MVB12B: variants seen among roughly 807,000 people sequenced by gnomAD.
MVB12B encodes ESCRT-I complex subunit MVB12B.
A neutral mutation model predicts 41.6 loss-of-function variants in MVB12B; 16 were observed. The observed-to-expected ratio is 0.38, with a 90% CI of 0.26 to 0.58. MVB12B has a LOEUF of 0.58. Among genes scored for constraint, MVB12B ranks in the 20% least tolerant of loss-of-function variants. MVB12B has a pLI of 0.62. For synonymous variants in MVB12B, 133 were observed against 139.7 expected (o/e 0.95, Z 0.34); for missense variants, 274 against 380.2 (o/e 0.72, Z 2.32).
At chr9:126,470,810 G>C (rs1833299971) in intron 7 of MVB12B, among the ~76,000 whole-genome samples, 1 of 152,128 alleles carries the variant, frequency 6.6e-6, no homozygotes, top group South Asian at 2.1e-4. Context: ...CTTTGGATTG[G>C]GTCTCACAGC....
intron 7 of MVB12B, among the ~76,000 whole-genome samples, chr9:126,443,038 G>A (rs1287498380): frequency 6.6e-6 from 1 of 152,190 alleles, no homozygotes. Flanking sequence ...AGAAAACACT[G>A]GTGGCCGATA....
chr9:126,403,854 C>T (rs772129791), intron 6 of MVB12B, among the ~76,000 whole-genome samples: 33 of 152,040 alleles, frequency 2.2e-4, no homozygotes, highest in South Asian at 4.2e-4. Flanking sequence ...TTTTATGCAT[C>T]GCCCTTCCAT....
Position 126,418,611 on chromosome 9 carries a change from A to T in MVB12B, c.663-3243A>T, listed in dbSNP as rs143834797. 4.4e-4 allele frequency among the ~76,000 whole-genome samples: 67 copies of T among 152,322 alleles called. 1 individual carries two copies. Among genetic ancestry groups the T allele is most frequent in the African/African-American group, 1.6e-3 (65 of 41,560 alleles). On this transcript the variant is annotated intron_variant, in intron 6 of 9. Transcript: ENST00000361171. ...ATTGGATGTTGGCACATTTCTGCTT[A>T]AAAATCATTCCAGAGAAAGGCAGAA...
chr9:126,456,463 A>G (rs956658649), intron 7 of MVB12B, among the ~76,000 whole-genome samples: 9 of 152,254 alleles, frequency 5.9e-5, no homozygotes, highest in African/African-American at 2.2e-4. Flanking sequence ...ATCATTGCTA[A>G]TAATGATTTT....
intron 7 of MVB12B, among the ~76,000 whole-genome samples, chr9:126,454,187 G>A (rs12345602): frequency 0.49 from 75,024 of 152,114 alleles, 19,401 homozygotes; most frequent in South Asian, 0.59. Context: ...TTTTCTGATG[G>A]AATTCCAAAG....
chr9:126,455,747 A>C (rs1266557955), intron 7 of MVB12B, among the ~76,000 whole-genome samples: 1 of 152,042 alleles, frequency 6.6e-6, no homozygotes, highest in East Asian at 1.9e-4. Flanking sequence ...CAGCCTCCCA[A>C]TGTGCTGGAA....
chr9:126,381,956 G>T (rs938719514), intron 3 of MVB12B, among the ~76,000 whole-genome samples: 1 of 151,640 alleles, frequency 6.6e-6, no homozygotes, highest in Non-Finnish European at 1.5e-5. Context: ...CCCCAAACAG[G>T]GAGCAGTTGG....
intron 9 of MVB12B, among the ~76,000 whole-genome samples, chr9:126,500,722 T>C (rs1049181918): frequency 1.3e-5 from 2 of 152,216 alleles, no homozygotes; most frequent in African/African-American, 2.4e-5. Flanking sequence ...TCAGCCCCGC[T>C]GTCTCCGCAG....
chr9:126,327,513 G>T (rs570091), intron 1 of MVB12B, among the ~76,000 whole-genome samples: 1 of 152,082 alleles, frequency 6.6e-6, no homozygotes, highest in Admixed American at 6.5e-5. Flanking sequence ...CACCTGTCTG[G>T]AAGGTGACAT....
intron 6 of MVB12B, among the ~76,000 whole-genome samples, chr9:126,400,516 A>G (rs1169254931): frequency 6.6e-6 from 1 of 152,100 alleles, no homozygotes; most frequent in East Asian, 1.9e-4. Context: ...AACTTGTCAT[A>G]TTCCCTCTCC....
intron 7 of MVB12B, among the ~76,000 whole-genome samples, chr9:126,456,865 T>G (rs201267954): frequency 6.6e-6 from 1 of 151,564 alleles, no homozygotes; most frequent in Non-Finnish European, 1.5e-5. Context: ...CTTCAGTTTA[T>G]AAAAGAAAAA....
At chr9:126,450,630 ACACT>A (rs2119159298) in intron 7 of MVB12B, among the ~76,000 whole-genome samples, 1 of 152,290 alleles carries the variant, frequency 6.6e-6, no homozygotes, top group East Asian at 1.9e-4. Context: ...GAAATTAATA[ACACT>A]CACTTACCTA....
At chr9:126,385,863 T>A (rs1830773453) in intron 3 of MVB12B, among the ~76,000 whole-genome samples, 1 of 152,174 alleles carries the variant, frequency 6.6e-6, no homozygotes, top group African/African-American at 2.4e-5. Flanking sequence ...GCTGGCGTGT[T>A]TGCAAAGAAT....
At chr9:126,371,699 A>G (rs1305879032) in intron 2 of MVB12B, among the ~76,000 whole-genome samples, 1 of 152,184 alleles carries the variant, frequency 6.6e-6, no homozygotes, top group African/African-American at 2.4e-5. Context: ...CTGTTTGGCA[A>G]ATATCTGATT....
chr9:126,370,229 A>G (rs1402527652), intron 2 of MVB12B, among the ~76,000 whole-genome samples: 1 of 152,124 alleles, frequency 6.6e-6, no homozygotes, highest in Non-Finnish European at 1.5e-5. Flanking sequence ...GGATATGGAC[A>G]TGTGCCCTCT....
intron 6 of MVB12B, among the ~76,000 whole-genome samples, chr9:126,407,742 C>T (rs1013536933): frequency 3.3e-5 from 5 of 152,182 alleles, no homozygotes; most frequent in East Asian, 1.9e-4. Flanking sequence ...TACCAAAGAC[C>T]GTGTTGTAAA....
intron 9 of MVB12B, among the ~76,000 whole-genome samples, chr9:126,501,984 C>T (rs766328007): frequency 6.6e-5 from 10 of 152,190 alleles, no homozygotes; most frequent in Admixed American, 1.3e-4. Context: ...TCCTGGCCTG[C>T]CCGTGTACAG....
intron 2 of MVB12B, among the ~76,000 whole-genome samples, chr9:126,369,642 G>T (rs1486893696): frequency 6.6e-6 from 1 of 151,930 alleles, no homozygotes; most frequent in Non-Finnish European, 1.5e-5. Flanking sequence ...TTTTTCACGT[G>T]GGTTTTTTTT....
chr9:126,393,094 T>C (rs1831006956), intron 5 of MVB12B, among the ~76,000 whole-genome samples: 1 of 152,248 alleles, frequency 6.6e-6, no homozygotes, highest in African/African-American at 2.4e-5. Flanking sequence ...AGCATGGGCC[T>C]GGCTCTGTTG....
Sources: allele counts gnomAD v4.1 joint callset (sites outside exome capture counted in the v4.1 genomes callset), GRCh38; gene constraint gnomAD v4.1.1; transcripts MANE v1.5; gene names NCBI Gene and HGNC (gene_info 2026-07-23, HGNC 2026-07-21).